Variants in COBL observed in about 807,000 individuals in gnomAD.
The protein encoded by COBL is protein cordon-bleu.
A neutral mutation model predicts 98.8 loss-of-function variants in COBL; 51 were observed. That is an observed-to-expected ratio of 0.52 (90% CI 0.41 to 0.65). The LOEUF is 0.65. COBL is among the 30% of genes least tolerant of loss of function. The pLI is 0.00. For synonymous variants in COBL, 634 were observed against 651.7 expected, an observed-to-expected ratio of 0.97 and a Z score of 0.41; for missense variants, 1,617 against 1,617.5, an observed-to-expected ratio of 1.00 and a Z score of 0.01.
intron 5 of COBL, among the ~76,000 whole-genome samples, chr7:51,177,771 C>CAAAA (rs1238520444): frequency 6.4e-4 from 63 of 98,068 alleles, no homozygotes; most frequent in South Asian, 1.5e-3. Flanking sequence ...GACTCTGTCT[C>CAAAA]AAAAAAATAA....
At chr7:51,085,105 C>T in intron 7 of COBL, 61 bp downstream of exon 7, 1 of 1,610,184 alleles carries the variant, frequency 6.2e-7, no homozygotes. Flanking sequence ...CACATCAGAG[C>T]TGACATTCCA....
intron 1 of COBL, among the ~76,000 whole-genome samples, chr7:51,227,456 A>G (rs796621770): frequency 6.6e-6 from 1 of 152,258 alleles, no homozygotes; most frequent in African/African-American, 2.4e-5. Flanking sequence ...AGGGTCAGGT[A>G]CTTCTTTGAG....
At chr7:51,027,623 T>C in intron 10 of COBL, 89 bp downstream of exon 10, 2 of 1,131,604 alleles carry the variant, frequency 1.8e-6, no homozygotes, top group South Asian at 3.0e-5. Flanking sequence ...CCCGTCTCTC[T>C]CTCTCCTCCG....
intron 6 of COBL, among the ~76,000 whole-genome samples, chr7:51,092,045 G>A (rs939194660): frequency 6.6e-6 from 1 of 152,238 alleles, no homozygotes; most frequent in African/African-American, 2.4e-5. Context: ...AGTGGTAAGT[G>A]AACAAGCATT....
intron 4 of COBL, among the ~76,000 whole-genome samples, chr7:51,188,926 C>G (rs1584107234): frequency 1.3e-5 from 2 of 152,228 alleles, no homozygotes; most frequent in Admixed American, 6.5e-5. Context: ...AACAGAAACA[C>G]TTGTAAGCCT....
intron 7 of COBL, among the ~76,000 whole-genome samples, chr7:51,057,745 A>C (rs1272880689): frequency 6.6e-6 from 1 of 152,176 alleles, no homozygotes; most frequent in Non-Finnish European, 1.5e-5. Flanking sequence ...TCACCTCAGC[A>C]AAACCCACCA....
At chr7:51,301,981 G>A (rs547937831) in intron 1 of COBL, among the ~76,000 whole-genome samples, 196 of 152,268 alleles carry the variant, frequency 1.3e-3, no homozygotes, top group Admixed American at 2.4e-3. Context: ...CATGGCTCCT[G>A]AACAGTCAGA....
At chr7:51,138,541 C>T (rs1210848147) in intron 5 of COBL, among the ~76,000 whole-genome samples, 1 of 152,176 alleles carries the variant, frequency 6.6e-6, no homozygotes, top group Non-Finnish European at 1.5e-5. Context: ...AATGCAAACC[C>T]CATCTTTCCT....
chr7:51,255,320 T>A (rs1008522611), intron 1 of COBL, among the ~76,000 whole-genome samples: 9 of 152,198 alleles, frequency 5.9e-5, no homozygotes, highest in African/African-American at 2.2e-4. Flanking sequence ...CAACCCATTG[T>A]GTGACTCTTA....
intron 5 of COBL, among the ~76,000 whole-genome samples, chr7:51,155,589 CAAAAAAAAA>C (rs58500324): frequency 3.9e-4 from 12 of 30,790 alleles, no homozygotes; most frequent in African/African-American, 9.3e-4. Context: ...GACTCCATCT[CAAAAAAAAA>C]AAAAAAAAAA....
chr7:51,172,603 T>A, intron 5 of COBL: 1 of 1,138,056 alleles, frequency 8.8e-7, no homozygotes, highest in Admixed American at 2.9e-5. Context: ...TTAGCGATCA[T>A]TAAGGCAAAA....
At chr7:51,273,144 C>T (rs528945285) in intron 1 of COBL, among the ~76,000 whole-genome samples, 128 of 152,132 alleles carry the variant, frequency 8.4e-4, no homozygotes, top group Non-Finnish European at 1.5e-3. Context: ...GCCTGGCCAA[C>T]ATGGTGAAAC....
At chr7:51,042,736 T>G (rs1789325181) in intron 8 of COBL, among the ~76,000 whole-genome samples, 1 of 152,216 alleles carries the variant, frequency 6.6e-6, no homozygotes, top group South Asian at 2.1e-4. Context: ...AAATTGCTAA[T>G]GAATATATGA....
intron 1 of COBL, among the ~76,000 whole-genome samples, chr7:51,311,014 G>T (rs551022185): frequency 6.1e-4 from 92 of 151,108 alleles, no homozygotes; most frequent in African/African-American, 2.1e-3. Flanking sequence ...TAAATCAATT[G>T]ATGTCCTTTT....
intron 1 of COBL, among the ~76,000 whole-genome samples, chr7:51,276,926 G>A (rs1018235731): frequency 6.6e-5 from 10 of 152,324 alleles, no homozygotes; most frequent in African/African-American, 1.9e-4. Flanking sequence ...CCAGCTAAGA[G>A]GTGAAATGTA....
At chr7:51,210,789 G>A (rs79053672) in intron 2 of COBL, among the ~76,000 whole-genome samples, 4 of 152,170 alleles carry the variant, frequency 2.6e-5, no homozygotes, top group African/African-American at 9.7e-5. Flanking sequence ...AGGTGTGAGG[G>A]AATGCCGTTT....
At chr7:51,104,547 G>A (rs1379407793) in intron 6 of COBL, among the ~76,000 whole-genome samples, 2 of 152,168 alleles carry the variant, frequency 1.3e-5, no homozygotes, top group African/African-American at 2.4e-5. Context: ...CTTGTTTACT[G>A]TTAGGATTAA....
At chr7:51,117,736 G>A (rs1413881314) in intron 6 of COBL, among the ~76,000 whole-genome samples, 6 of 152,054 alleles carry the variant, frequency 3.9e-5, no homozygotes, top group Non-Finnish European at 7.3e-5. Context: ...CGAATAGGTC[G>A]CATTTTCCTG....
chr7:51,064,407 C>T (rs2128914762), intron 7 of COBL: 1 of 151,318 alleles, frequency 6.6e-6, no homozygotes, highest in Middle Eastern at 3.4e-3. Context: ...TATTTGCATA[C>T]CTGTGCAGCA....
Sources: allele counts gnomAD v4.1 joint callset (sites outside exome capture counted in the v4.1 genomes callset), GRCh38; gene constraint gnomAD v4.1.1; transcripts MANE v1.5; gene names NCBI Gene and HGNC (gene_info 2026-07-23, HGNC 2026-07-21).